The following DMXL1 variants were observed in gnomAD, a reference collection of about 807,000 sequenced individuals.
DMXL1 encodes the protein dmX-like protein 1.
DMXL1 carries 99 observed loss-of-function variants against 319.2 expected under a neutral mutation model. That is an observed-to-expected ratio of 0.31 (90% CI 0.26 to 0.37). DMXL1 has a LOEUF of 0.37. Ranked by LOEUF, DMXL1 falls within the 10% of genes least tolerant of loss-of-function variation. The pLI is 1.00. For synonymous variants in DMXL1, 1,385 were observed against 1,235.2 expected (o/e 1.12, Z -2.54); for missense variants, 3,745 against 3,595.6 (o/e 1.04, Z -1.06).
chr5:119,169,094 G>A (rs751810804), intron 23 of DMXL1, among the ~76,000 whole-genome samples: 2 of 151,960 alleles, frequency 1.3e-5, no homozygotes, highest in Middle Eastern at 3.4e-3. Flanking sequence ...GCTGGAGATG[G>A]GGTTTCACCA....
chr5:119,132,871 G>A, intron 10 of DMXL1: 1 of 566,300 alleles, frequency 1.8e-6, no homozygotes, highest in Middle Eastern at 3.9e-4. Flanking sequence ...AAGGGCAAAA[G>A]TAGATAAGAA....
chr5:119,072,798 T>G (rs777666282), intron 1 of DMXL1, among the ~76,000 whole-genome samples: 5 of 152,208 alleles, frequency 3.3e-5, no homozygotes, highest in Non-Finnish European at 7.3e-5. Flanking sequence ...GATTGACTCA[T>G]ACACATCTTA....
chr5:119,092,608 A>AC (rs1172888065), intron 1 of DMXL1, among the ~76,000 whole-genome samples: 1 of 151,946 alleles, frequency 6.6e-6, no homozygotes, highest in Non-Finnish European at 1.5e-5. Context: ...CATTTTCCTC[A>AC]CCCCCAAGAG....
At chr5:119,099,324 C>T (rs1423899277) in intron 2 of DMXL1, among the ~76,000 whole-genome samples, 1 of 152,128 alleles carries the variant, frequency 6.6e-6, no homozygotes, top group Admixed American at 6.6e-5. Context: ...AATTCTCCTG[C>T]CTCAGCCTCC....
At chr5:119,215,363 A>G (rs1783496246) in intron 34 of DMXL1, among the ~76,000 whole-genome samples, 1 of 152,168 alleles carries the variant, frequency 6.6e-6, no homozygotes, top group Non-Finnish European at 1.5e-5. Context: ...GCTGGAGTAC[A>G]ATGGCTCGAT....
intron 39 of DMXL1, among the ~76,000 whole-genome samples, chr5:119,235,157 A>C (rs980748544): frequency 6.6e-6 from 1 of 152,170 alleles, no homozygotes; most frequent in African/African-American, 2.4e-5. Flanking sequence ...GATGAATTGG[A>C]TATTCAATTA....
intron 23 of DMXL1, 122 bp from the exon 24 acceptor site, chr5:119,170,068 T>C (rs1368839275): frequency 3.4e-6 from 3 of 886,174 alleles, no homozygotes; most frequent in African/African-American, 3.4e-5. Context: ...TTGTGGCCTA[T>C]TAGTAAAATT....
At chr5:119,116,130 T>C (rs1304112276) in intron 6 of DMXL1, 28 bp from the exon 7 acceptor site, 22 of 1,567,174 alleles carry the variant, frequency 1.4e-5, no homozygotes, top group Non-Finnish European at 1.9e-5. Context: ...ATCTCCATGA[T>C]TTTCTGTTTT....
In DMXL1 at chr5:119,098,187, G is replaced by T; in HGVS notation, c.213+83G>T. 7 of 1,458,046 alleles carry T rather than the reference G, an allele frequency of 4.8e-6. No homozygotes were observed. In the South Asian group the frequency reaches 8.9e-5, roughly 19 times the overall value. 90.3% of individuals were successfully genotyped at this position (1,458,046 alleles called of 1,614,324 possible). A position where few individuals can be genotyped will look rare whatever the true frequency, so the allele number is the denominator to read the frequency against. On this transcript the variant is annotated intron_variant, in intron 2 of 43. Coordinates refer to ENST00000539542, the MANE Select transcript of DMXL1 (RefSeq NM_001290321.3). The stretch of plus-strand genomic sequence containing the variant: ...ATCTCTGAAGTGTGTATTTCCTATT[G>T]AATTAGAGACTTGGCTTTGTTTCAA...
intron 2 of DMXL1, among the ~76,000 whole-genome samples, chr5:119,099,820 C>T (rs1458770344): frequency 2.6e-5 from 4 of 151,912 alleles, no homozygotes; most frequent in African/African-American, 4.8e-5. Flanking sequence ...TTGGGGCAAC[C>T]CTGTCTCTAC....
intron 34 of DMXL1, among the ~76,000 whole-genome samples, chr5:119,214,926 G>A (rs1458146507): frequency 1.3e-5 from 2 of 152,092 alleles, no homozygotes; most frequent in South Asian, 2.1e-4. Context: ...TCTATTCCAT[G>A]GAGCCATCAT....
chr5:119,140,572 C>G lies in DMXL1; in HGVS notation c.2377-3269C>G, dbSNP rs186176748. 2.8e-4 allele frequency among the ~76,000 whole-genome samples: 43 copies of G among 152,156 alleles called. 1 individual carries two copies. The East Asian group carries it at 8.1e-3, about 29-fold the overall frequency. ...AGACTGAACCAGGAAGAAATTGATT[C>G]CCTAAACAGACTAATACGAGCTCCG... On this transcript the variant is annotated intron_variant, in intron 13 of 43. Coordinates refer to ENST00000539542, the MANE Select transcript of DMXL1 (RefSeq NM_001290321.3).
intron 33 of DMXL1, among the ~76,000 whole-genome samples, chr5:119,204,665 A>G (rs1026573051): frequency 6.6e-6 from 1 of 151,964 alleles, no homozygotes; most frequent in South Asian, 2.1e-4. Flanking sequence ...TAAAAAGTTC[A>G]GGTGAACTGA....
intron 16 of DMXL1, 79 bp from the exon 17 acceptor site, chr5:119,147,170 T>G: frequency 7.7e-7 from 1 of 1,299,378 alleles, no homozygotes; most frequent in South Asian, 1.4e-5. Flanking sequence ...AAGGCAGTTT[T>G]GGATTGTAAA....
rs1423754833 is a variant in DMXL1, at chr5:119,175,332, C to T, written c.6753C>T (p.Asn2251=). The T allele has an allele frequency of 6.2e-7, 1 of 1,604,920 alleles. No individual in the cohort carries two copies. Among genetic ancestry groups the T allele is most frequent in the South Asian group, 1.1e-5 (1 of 90,300 alleles). ...ATCAGTGCCTTTGTGGTAGTCATAA[C>T]TACAGGTAACTATCTTTTTATGAAA... ...CIYQCLCGSH[N]YSSFQTNQFT... is the part of the protein sequence containing the mutation. The change falls in exon 26 of 44, where the codon AAC becomes AAT. Residue 2251 remains asparagine (N), a synonymous_variant. Transcript: ENST00000539542.
chr5:119,169,170 A>ACCTGGC (rs1289287460), intron 23 of DMXL1, among the ~76,000 whole-genome samples: 4 of 152,066 alleles, frequency 2.6e-5, no homozygotes, highest in Non-Finnish European at 5.9e-5. Flanking sequence ...GAGCCACCAC[A>ACCTGGC]CCTGGCCCTG....
chr5:119,178,643 A>G, intron 28 of DMXL1: 2 of 985,356 alleles, frequency 2.0e-6, no homozygotes, highest in Non-Finnish European at 2.4e-6. Flanking sequence ...GGGCTTTTCC[A>G]AAGCTCTTTC....
intron 39 of DMXL1, among the ~76,000 whole-genome samples, chr5:119,235,375 A>G (rs896565711): frequency 1.3e-5 from 2 of 152,186 alleles, no homozygotes; most frequent in Admixed American, 6.6e-5. Flanking sequence ...AATTAAAAAT[A>G]CGATTCCCAA....
chr5:119,141,401 G>A (rs975372758), intron 13 of DMXL1, among the ~76,000 whole-genome samples: 2 of 152,120 alleles, frequency 1.3e-5, no homozygotes, highest in Non-Finnish European at 2.9e-5. Context: ...CTTCAGTAAA[G>A]TTTCAGGATA....
Sources: gnomAD v4.1 joint callset for allele counts (sites outside exome capture counted in the v4.1 genomes callset) on GRCh38, gnomAD v4.1.1 for gene constraint, MANE v1.5 for transcripts, NCBI Gene and HGNC (gene_info 2026-07-23, HGNC 2026-07-21) for gene names.